PTPRD: variants seen among roughly 807,000 people sequenced by gnomAD.
PTPRD encodes protein tyrosine phosphatase receptor type D, also known as receptor-type tyrosine-protein phosphatase delta.
PTPRD carries 34 observed loss-of-function variants against 214.5 expected under a neutral mutation model. The ratio of observed to expected loss-of-function variants is 0.16; its 90% CI spans 0.12 to 0.21. The LOEUF (loss-of-function observed/expected upper bound fraction) is 0.21, where lower values mean the gene tolerates loss of function less well. Ranked by LOEUF, PTPRD falls within the 10% of genes least tolerant of loss-of-function variation. The probability of loss-of-function intolerance (pLI) is 1.00; values close to 1 mark genes in which losing one functional copy is unlikely to be tolerated. For missense variants in PTPRD, 2,545 were observed against 2,398.7 expected, an observed-to-expected ratio of 1.06 and a Z score of -1.27; for synonymous variants, 1,128 against 845.7, an observed-to-expected ratio of 1.33 and a Z score of -5.79.
At chr9:9,206,284 A>C (rs1349852817) in intron 9 of PTPRD, among the ~76,000 whole-genome samples, 1 of 152,182 alleles carries the variant, frequency 6.6e-6, no homozygotes, top group Non-Finnish European at 1.5e-5. Flanking sequence ...CATTCAAAAG[A>C]CATTCAGTTT....
chr9:9,109,559 A>C (rs2099803194), intron 10 of PTPRD, among the ~76,000 whole-genome samples: 1 of 152,142 alleles, frequency 6.6e-6, no homozygotes, highest in Non-Finnish European at 1.5e-5. Flanking sequence ...CATCAATATA[A>C]TTGTTAATAC....
chr9:9,699,738 T>C (rs2097455068), intron 7 of PTPRD, among the ~76,000 whole-genome samples: 1 of 152,188 alleles, frequency 6.6e-6, no homozygotes, highest in Admixed American at 6.5e-5. Flanking sequence ...AAAGTTTTAG[T>C]AGTTGAAAAT....
intron 8 of PTPRD, among the ~76,000 whole-genome samples, chr9:9,479,601 C>T (rs2095308742): frequency 6.6e-6 from 1 of 152,018 alleles, no homozygotes; most frequent in South Asian, 2.1e-4. Context: ...CAAACTTGCA[C>T]CAACACTTTT....
At chr9:9,519,394 CAG>C (rs2096912017) in intron 8 of PTPRD, among the ~76,000 whole-genome samples, 1 of 151,612 alleles carries the variant, frequency 6.6e-6, no homozygotes, top group African/African-American at 2.4e-5. Flanking sequence ...AAAGAATCAA[CAG>C]TTACAGGTTG....
intron 8 of PTPRD, among the ~76,000 whole-genome samples, chr9:9,548,701 C>T (rs544537605): frequency 1.4e-4 from 22 of 152,044 alleles, no homozygotes; most frequent in Admixed American, 1.4e-3. Context: ...AAGCACTGAT[C>T]ATAAGAAAGA....
intron 4 of PTPRD, among the ~76,000 whole-genome samples, chr9:9,944,849 A>AT (rs2092315871): frequency 6.6e-6 from 1 of 152,074 alleles, no homozygotes; most frequent in Admixed American, 6.6e-5. Flanking sequence ...CCAGTGGGGT[A>AT]TTTTTTGAGT....
chr9:8,814,607 G>T (rs2096882931), intron 11 of PTPRD, among the ~76,000 whole-genome samples: 1 of 152,178 alleles, frequency 6.6e-6, no homozygotes, highest in Non-Finnish European at 1.5e-5. Context: ...GAAAATAGAA[G>T]ACAGCCATCC....
rs1334290420 is a variant in PTPRD at position 8,964,190 on chromosome 9, G to GTTTTTTTTTTTTTT, written c.-104+54506_-104+54507insAAAAAAAAAAAAAA. Among the ~76,000 whole-genome samples, 16 of 52,936 alleles carry GTTTTTTTTTTTTTT rather than the reference G, an allele frequency of 3.0e-4. 1 individual carries two copies. Among genetic ancestry groups the GTTTTTTTTTTTTTT allele is most frequent in the South Asian group, 1.3e-3 (1 of 790 alleles). The allele number at this position is 52,936 out of a possible 152,430, so 34.7% of individuals were successfully genotyped here. A position where few individuals can be genotyped will look rare whatever the true frequency, so the allele number is the denominator to read the frequency against. Reference sequence around the variant, plus strand: ...CTGTGAATCTATCTAGTTCAGGGCTGTGTTTTTTTTTTTTTTTTTTTTTTT... The same window carrying GTTTTTTTTTTTTTT: ...CTGTGAATCTATCTAGTTCAGGGCTGTTTTTTTTTTTTTTTGTTTTTTTTTTTTTTTTTTTTTTT... On this transcript the variant is annotated intron_variant, in intron 11 of 45. Coordinates refer to ENST00000381196, the MANE Select transcript of PTPRD (RefSeq NM_002839.4).
At chr9:9,432,158 A>G (rs2083449704) in intron 8 of PTPRD, among the ~76,000 whole-genome samples, 2 of 151,590 alleles carry the variant, frequency 1.3e-5, no homozygotes, top group African/African-American at 4.8e-5. Flanking sequence ...AAGTTTAATC[A>G]TGAAGCAGTG....
At chr9:10,279,998 C>T (rs1394076493) in intron 3 of PTPRD, among the ~76,000 whole-genome samples, 1 of 152,112 alleles carries the variant, frequency 6.6e-6, no homozygotes, top group African/African-American at 2.4e-5. Context: ...ATCTCAGTCC[C>T]TTATGATGCT....
intron 3 of PTPRD, among the ~76,000 whole-genome samples, chr9:10,093,134 C>T (rs976620564): frequency 1.4e-4 from 21 of 150,478 alleles, no homozygotes; most frequent in African/African-American, 4.9e-4. Context: ...CTTCTGCACA[C>T]GAAAAGAAAA....
intron 2 of PTPRD, among the ~76,000 whole-genome samples, chr9:10,558,857 A>G (rs183931861): frequency 6.6e-5 from 10 of 152,302 alleles, no homozygotes; most frequent in Admixed American, 5.9e-4. Flanking sequence ...TTAAGGAAAT[A>G]ACCACCAGAA....
intron 8 of PTPRD, among the ~76,000 whole-genome samples, chr9:9,516,293 G>C (rs1308148012): frequency 6.6e-6 from 1 of 151,902 alleles, no homozygotes; most frequent in Non-Finnish European, 1.5e-5. Context: ...ATTGTAATGG[G>C]AGCAGTGACA....
chr9:8,698,916 C>G (rs2154392088), intron 12 of PTPRD, among the ~76,000 whole-genome samples: 1 of 150,780 alleles, frequency 6.6e-6, no homozygotes, highest in South Asian at 2.1e-4. Context: ...TCAAAACTGG[C>G]ATCTACACCC....
intron 3 of PTPRD, among the ~76,000 whole-genome samples, chr9:10,182,948 C>T (rs1223841519): frequency 6.6e-6 from 1 of 152,098 alleles, no homozygotes; most frequent in Non-Finnish European, 1.5e-5. Flanking sequence ...AATTACTTGG[C>T]TCATTTAATG....
chr9:8,644,265 G>C (rs2096640384), intron 12 of PTPRD, among the ~76,000 whole-genome samples: 1 of 151,900 alleles, frequency 6.6e-6, no homozygotes. Context: ...ACAGAGAGGA[G>C]CTACCCTCTC....
At chr9:10,500,880 T>C (rs925303270) in intron 2 of PTPRD, among the ~76,000 whole-genome samples, 1 of 151,896 alleles carries the variant, frequency 6.6e-6, no homozygotes, top group Non-Finnish European at 1.5e-5. Context: ...CGACAGAATA[T>C]CATTTTGAAT....
chr9:9,434,597 G>A (rs2084471180), intron 8 of PTPRD, among the ~76,000 whole-genome samples: 4 of 151,998 alleles, frequency 2.6e-5, no homozygotes, highest in Admixed American at 2.6e-4. Flanking sequence ...CAAAGTTGGA[G>A]GAATCATACT....
intron 9 of PTPRD, among the ~76,000 whole-genome samples, chr9:9,332,623 G>C (rs1325860650): frequency 6.6e-6 from 1 of 151,280 alleles, no homozygotes; most frequent in Non-Finnish European, 1.5e-5. Flanking sequence ...TCTCTCCCCA[G>C]GATTACGTTG....
Sources: allele counts gnomAD v4.1 joint callset (sites outside exome capture counted in the v4.1 genomes callset), GRCh38; gene constraint gnomAD v4.1.1; transcripts MANE v1.5; gene names NCBI Gene and HGNC (gene_info 2026-07-23, HGNC 2026-07-21).